Variants in FMN1 observed in about 807,000 individuals in gnomAD.
FMN1 encodes the protein formin-1.
FMN1 carries 110 observed loss-of-function variants against 132.4 expected under a neutral mutation model. The ratio of observed to expected loss-of-function variants is 0.83; its 90% CI spans 0.71 to 0.97. The LOEUF is 0.97. Among genes scored for constraint, FMN1 ranks in the 50% least tolerant of loss-of-function variants. FMN1 has a pLI of 0.00. For missense variants in FMN1, 1,792 were observed against 1,705.3 expected, an observed-to-expected ratio of 1.05 and a Z score of -0.90; for synonymous variants, 722 against 651.7, an observed-to-expected ratio of 1.11 and a Z score of -1.64.
At chr15:33,121,065 C>T (rs187435567) in intron 4 of FMN1, among the ~76,000 whole-genome samples, 27 of 152,222 alleles carry the variant, frequency 1.8e-4, no homozygotes, top group East Asian at 3.9e-4. Flanking sequence ...ACTGGAGAAC[C>T]TTCCACATGG....
chr15:33,039,932 C>T (rs969987137), intron 6 of FMN1, among the ~76,000 whole-genome samples: 18 of 152,142 alleles, frequency 1.2e-4, no homozygotes, highest in African/African-American at 3.6e-4. Flanking sequence ...AGACTCATAT[C>T]CATCCTTGGT....
At chr15:33,141,264 T>C (rs2444965) in intron 4 of FMN1, among the ~76,000 whole-genome samples, 56,892 of 152,096 alleles carry the variant, frequency 0.37, 11,079 homozygotes, top group East Asian at 0.66. Context: ...TTCTAAAAGC[T>C]GTTAAGTTTT....
intron 16 of FMN1, among the ~76,000 whole-genome samples, chr15:32,884,054 ATG>A (rs141373264): frequency 6.6e-6 from 1 of 150,640 alleles, no homozygotes; most frequent in Non-Finnish European, 1.5e-5. Flanking sequence ...GTGTTTGTGT[ATG>A]TGTGTGTGTC....
At chr15:33,014,657 GA>G (rs1179239370) in intron 6 of FMN1, among the ~76,000 whole-genome samples, 2 of 152,158 alleles carry the variant, frequency 1.3e-5, no homozygotes, top group Non-Finnish European at 2.9e-5. Flanking sequence ...AAAAATGAAA[GA>G]ACTTTCTCTG....
chr15:32,883,509 C>CAAAAAAAAAAAAAAAAAA (rs60737133), intron 16 of FMN1, among the ~76,000 whole-genome samples: 2 of 25,920 alleles, frequency 7.7e-5, no homozygotes, highest in Non-Finnish European at 7.4e-5. Flanking sequence ...GAACCTATCT[C>CAAAAAAAAAAAAAAAAAA]AAAAAAAAAA....
At chr15:32,990,670 C>T (rs1318391416) in intron 7 of FMN1, among the ~76,000 whole-genome samples, 1 of 152,104 alleles carries the variant, frequency 6.6e-6, no homozygotes, top group Admixed American at 6.5e-5. Flanking sequence ...CCTCACACTG[C>T]TGTAAAGAAC....
chr15:33,077,739 C>G (rs1295925577), intron 5 of FMN1, among the ~76,000 whole-genome samples: 1 of 149,520 alleles, frequency 6.7e-6, no homozygotes, highest in Non-Finnish European at 1.5e-5. Context: ...TTGCAACCTA[C>G]TCATCTGACA....
intron 17 of FMN1, among the ~76,000 whole-genome samples, chr15:32,844,040 T>C (rs1261405865): frequency 6.6e-6 from 1 of 152,182 alleles, no homozygotes; most frequent in Non-Finnish European, 1.5e-5. Context: ...TACTTCTCAA[T>C]TCAGAAGATT....
intron 9 of FMN1, among the ~76,000 whole-genome samples, chr15:32,932,532 T>C (rs1371756741): frequency 6.6e-6 from 1 of 152,218 alleles, no homozygotes; most frequent in Non-Finnish European, 1.5e-5. Flanking sequence ...TTTGGAAGGG[T>C]GACCTCTTCA....
chr15:33,117,613 T>C (rs1279545160), intron 4 of FMN1, among the ~76,000 whole-genome samples: 3 of 152,200 alleles, frequency 2.0e-5, no homozygotes, highest in Non-Finnish European at 2.9e-5. Context: ...AATTTATAGA[T>C]ACGTGGAATG....
At chr15:32,974,589 C>T (rs550396520) in intron 7 of FMN1, among the ~76,000 whole-genome samples, 1 of 152,296 alleles carries the variant, frequency 6.6e-6, no homozygotes, top group Admixed American at 6.5e-5. Context: ...TTGTGGATGA[C>T]ACTGGTGCTC....
At chr15:33,047,291 T>C (rs971302631) in intron 6 of FMN1, among the ~76,000 whole-genome samples, 2 of 152,248 alleles carry the variant, frequency 1.3e-5, no homozygotes, top group Non-Finnish European at 2.9e-5. Context: ...TCTTTGAAAG[T>C]ACCTCATAGA....
Position 32,908,522 on chromosome 15 carries a change from T to C in FMN1, c.3345A>G (p.Glu1115=). 1.2e-6 allele frequency: 2 copies of C among 1,612,848 alleles called. No individual in the cohort carries two copies. Among genetic ancestry groups the C allele is most frequent in the Non-Finnish European group, 1.7e-6 (2 of 1,179,128 alleles). ...KIRKYYETSK[E]EELKLLDKPE... ...GTTTATCCAGCAGCTTCAGTTCTTC[T>C]TCTTTGGATGTCTCGTAATACTTTC... The change falls in exon 12 of 21, where the codon GAA becomes GAG. Residue 1115 remains glutamate, a synonymous_variant. Transcript: ENST00000616417.
chr15:32,960,995 C>CAAAAAAAAAAAAA (rs539245532), intron 9 of FMN1, among the ~76,000 whole-genome samples: 2 of 59,092 alleles, frequency 3.4e-5, no homozygotes, highest in South Asian at 1.0e-3. Context: ...GACTCCGTCT[C>CAAAAAAAAAAAAA]AAAAAAAAAA....
intron 6 of FMN1, among the ~76,000 whole-genome samples, chr15:33,041,514 G>A (rs1180457909): frequency 6.8e-6 from 1 of 148,120 alleles, no homozygotes; most frequent in Non-Finnish European, 1.5e-5. Flanking sequence ...AACAATTTGT[G>A]TTTTATTTTC....
At chr15:33,164,864 T>C (rs561581230) in intron 3 of FMN1, among the ~76,000 whole-genome samples, 1 of 152,332 alleles carries the variant, frequency 6.6e-6, no homozygotes, top group East Asian at 1.9e-4. Context: ...AGGCATATAG[T>C]GCATAATAAT....
chr15:33,005,305 TG>T lies in FMN1; in HGVS notation c.2223+2708del, dbSNP rs971877632. 1.2e-3 allele frequency among the ~76,000 whole-genome samples: 176 copies of T among 152,108 alleles called. 1 individual carries two copies. Among genetic ancestry groups the T allele is most frequent in the African/African-American group, 3.8e-3 (157 of 41,506 alleles). ...AGCAATTAGGTAAACATCATAAATG[TG>T]GGGCAACAACAGTTGTTTAAGTGTA... On this transcript the variant is annotated intron_variant, in intron 7 of 20. Coordinates refer to ENST00000616417, the MANE Select transcript of FMN1 (RefSeq NM_001277313.2).
At chr15:32,990,802 A>G (rs1014416229) in intron 7 of FMN1, among the ~76,000 whole-genome samples, 1 of 152,182 alleles carries the variant, frequency 6.6e-6, no homozygotes, top group Non-Finnish European at 1.5e-5. Flanking sequence ...CCTTCTTCAC[A>G]TGGTGGCAGG....
At chr15:33,028,589 A>T (rs921840347) in intron 6 of FMN1, among the ~76,000 whole-genome samples, 9 of 152,196 alleles carry the variant, frequency 5.9e-5, no homozygotes, top group South Asian at 2.1e-4. Flanking sequence ...TGGAAATCCC[A>T]CTTTACTGGC....
Sources: gnomAD v4.1 joint callset for allele counts (sites outside exome capture counted in the v4.1 genomes callset) on GRCh38, gnomAD v4.1.1 for gene constraint, MANE v1.5 for transcripts, NCBI Gene and HGNC (gene_info 2026-07-23, HGNC 2026-07-21) for gene names.